UBR4: variants seen among roughly 807,000 people sequenced by gnomAD.
UBR4 encodes the protein E3 ubiquitin-protein ligase UBR4.
In UBR4, 124 loss-of-function variants were observed where a neutral mutation model predicts 575.6. The ratio of observed to expected loss-of-function variants is 0.22; its 90% CI spans 0.19 to 0.25. The LOEUF (loss-of-function observed/expected upper bound fraction) is 0.25, where lower values mean the gene tolerates loss of function less well. UBR4 is among the 10% of genes least tolerant of loss of function. The probability of loss-of-function intolerance (pLI) is 1.00; values close to 1 mark genes in which losing one functional copy is unlikely to be tolerated. For missense variants in UBR4, 4,818 were observed against 6,478.8 expected, an observed-to-expected ratio of 0.74 and a Z score of 8.80; for synonymous variants, 2,455 against 2,473.7, an observed-to-expected ratio of 0.99 and a Z score of 0.22.
At chr1:19,145,328 T>A (rs933015442) in intron 53 of UBR4, among the ~76,000 whole-genome samples, 1 of 152,198 alleles carries the variant, frequency 6.6e-6, no homozygotes, top group Non-Finnish European at 1.5e-5. Context: ...AGCACCAGGA[T>A]CATCCTACTT....
intron 1 of UBR4, among the ~76,000 whole-genome samples, chr1:19,208,879 G>A (rs1187212063): frequency 6.6e-6 from 1 of 152,184 alleles, no homozygotes; most frequent in Non-Finnish European, 1.5e-5. Flanking sequence ...CAATCCAAAT[G>A]TTTAAAACAA....
At chr1:19,179,995 G>C (rs2090715772) in intron 17 of UBR4, among the ~76,000 whole-genome samples, 1 of 152,166 alleles carries the variant, frequency 6.6e-6, no homozygotes, top group Admixed American at 6.5e-5. Context: ...TTCGCAAAAT[G>C]TCGCTGGCCT....
Position 19,087,799 on chromosome 1 carries a change from A to G in UBR4, c.14544+17T>C. Reference sequence around the variant, plus strand: ...AGGCTGGGCCCTCAGGACCGACCGTAGGCCCAGCAGCTGTACCTGGAACTT... The same window carrying G: ...AGGCTGGGCCCTCAGGACCGACCGTGGGCCCAGCAGCTGTACCTGGAACTT... On this transcript the variant is annotated intron_variant, in intron 99 of 105. Coordinates refer to ENST00000375254, the MANE Select transcript of UBR4 (RefSeq NM_020765.3). 1.2e-5 allele frequency: 19 copies of G among 1,598,328 alleles called. No homozygotes were observed. Among genetic ancestry groups the G allele is most frequent in the Non-Finnish European group, 1.6e-5 (19 of 1,169,604 alleles).
chr1:19,127,769 T>A, intron 62 of UBR4, 30 bp from the exon 63 acceptor site: 1 of 1,578,576 alleles, frequency 6.3e-7, no homozygotes, highest in Non-Finnish European at 8.7e-7. Context: ...TCCAGAAACC[T>A]CTACTTACTC....
rs1278463797 is a variant in UBR4 at position 19,117,641 on chromosome 1, C to T, written c.10629+182G>A. 6.6e-6 allele frequency among the ~76,000 whole-genome samples: 1 copy of T among 152,148 alleles called. No individual in the cohort carries two copies. Among genetic ancestry groups the T allele is most frequent in the African/African-American group, 2.4e-5 (1 of 41,428 alleles). On this transcript the variant is annotated intron_variant, in intron 72 of 105. Coordinates refer to ENST00000375254, the MANE Select transcript of UBR4 (RefSeq NM_020765.3). This position sits in a 1 kb window ranked among gnomAD's most constrained non-coding sequence, Gnocchi z 4.0. ...CCTCCCAAAGTACTGGGATTATAGG[C>T]TTGAGCCACTGCACCCAGCCAAGTT...
intron 47 of UBR4, 40 bp from the exon 48 acceptor site, chr1:19,151,899 T>G (rs776182416): frequency 6.6e-7 from 1 of 1,509,690 alleles, no homozygotes; most frequent in Non-Finnish European, 8.9e-7. Context: ...ACTACAGAAG[T>G]TCTTAAGTTT....
intron 81 of UBR4, among the ~76,000 whole-genome samples, 189 bp downstream of exon 81, chr1:19,109,907 T>C (rs1469778109): frequency 2.0e-5 from 3 of 152,258 alleles, no homozygotes; most frequent in Non-Finnish European, 4.4e-5. Flanking sequence ...ATGTTTATTT[T>C]ACTTGAACCA....
chr1:19,164,723 G>GA (rs1403153026), intron 32 of UBR4, 76 bp downstream of exon 32: 2 of 1,548,828 alleles, frequency 1.3e-6, no homozygotes, highest in Non-Finnish European at 1.8e-6. Flanking sequence ...ACTGGTGCCC[G>GA]AAGGAAAGAT....
Position 19,153,806 on chromosome 1 carries a change from G to C in UBR4, c.6592C>G (p.Leu2198Val). Reference sequence around the variant, plus strand: ...GGAAGAGTCTTAATCTCCTGGATAAGAAAAGTGTCTGGTTTCACCATAACT... The same window carrying C: ...GGAAGAGTCTTAATCTCCTGGATAACAAAAGTGTCTGGTTTCACCATAACT... Reference protein sequence around the residue: ...LVVMVKPDTFLIQEIKTLPAK... With the variant: ...LVVMVKPDTFVIQEIKTLPAK... Residue 2198 changes from leucine to valine, a missense_variant, in exon 45 of 106, where the codon CTT (leucine) becomes GTT (valine). This residue lies in a region of UBR4 where 461 missense variants were observed against 606.9 expected (regional missense o/e 0.76). Transcript: ENST00000375254. This position sits in a 1 kb window ranked among gnomAD's most constrained non-coding sequence, Gnocchi z 4.1. The C allele has an allele frequency of 6.2e-7, 1 of 1,614,176 alleles. No individual in the cohort carries two copies. The highest frequency in any genetic ancestry group is 2.2e-5 in the East Asian group (1 of 44,880).
At position 19,170,937 on chromosome 1, in the gene UBR4, AGGAAAAACT is replaced by A. The variant is rs1334749705; in HGVS notation, c.3522-63_3522-55del. 5.6e-6 allele frequency: 9 copies of A among 1,612,876 alleles called. No individual in the cohort carries two copies. In the African/African-American group the frequency reaches 1.2e-4, roughly 22 times the overall value. ...CCATAAGATTCTAATCCCACCAGTT[AGGAAAAACT>A]GGCCCTAGACTGGCTGAAAACCCTA... On this transcript the variant is annotated intron_variant, in intron 25 of 105. Transcript: ENST00000375254.
At chr1:19,104,491 G>A in intron 86 of UBR4, 94 bp downstream of exon 86, 2 of 1,390,346 alleles carry the variant, frequency 1.4e-6, no homozygotes, top group Non-Finnish European at 2.0e-6. Context: ...GTCAGTACCA[G>A]AGAGAAGAGA....
At chr1:19,170,919 A>G in intron 25 of UBR4, 36 bp from the exon 26 acceptor site, 1 of 1,613,780 alleles carries the variant, frequency 6.2e-7, no homozygotes, top group Non-Finnish European at 8.5e-7. Flanking sequence ...AAGCCATAAG[A>G]TTCTAATCCC....
intron 103 of UBR4, chr1:19,079,689 C>T (rs1176954688): frequency 6.6e-6 from 1 of 152,402 alleles, no homozygotes; most frequent in Non-Finnish European, 1.5e-5. Context: ...ACACGCCCTT[C>T]CAGCCGCGGT....
chr1:19,192,155 CA>C, intron 11 of UBR4, 32 bp downstream of exon 11: 1 of 1,587,126 alleles, frequency 6.3e-7, no homozygotes, highest in Non-Finnish European at 8.6e-7. Context: ...CGAAATAAAA[CA>C]AAATATAAGT....
chr1:19,103,848 T>C (rs982588726), intron 87 of UBR4, among the ~76,000 whole-genome samples: 1 of 152,350 alleles, frequency 6.6e-6, no homozygotes. Context: ...AGAGAGCCTT[T>C]GACCTTGCAC....
chr1:19,205,106 GCAA>G (rs1159872762), intron 1 of UBR4, among the ~76,000 whole-genome samples: 6 of 152,208 alleles, frequency 3.9e-5, no homozygotes, highest in African/African-American at 1.2e-4. Context: ...CTAATGAACT[GCAA>G]CAACAGCACC....
Position 19,089,126 on chromosome 1 carries a change from A to T in UBR4, c.14212-149T>A, listed in dbSNP as rs1266122571. 3.9e-6 allele frequency: 3 copies of T among 768,982 alleles called. No individual in the cohort carries two copies. The highest frequency in any genetic ancestry group is 6.2e-6 in the Non-Finnish European group (3 of 480,134). 47.6% of individuals were successfully genotyped at this position (768,982 alleles called of 1,614,324 possible). A position where few individuals can be genotyped will look rare whatever the true frequency, so the allele number is the denominator to read the frequency against. The stretch of plus-strand genomic sequence containing the variant: ...TCAGGTCCTTTGATTCCACACTTTG[A>T]CAGACACAGACAAATGGAAGAGGGT... On this transcript the variant is annotated intron_variant, in intron 97 of 105. Coordinates refer to ENST00000375254, the MANE Select transcript of UBR4 (RefSeq NM_020765.3). The surrounding 1 kb of genome is among the most constrained non-coding windows in gnomAD (Gnocchi z 4.3).
chr1:19,147,961 C>G (rs1468271039), intron 51 of UBR4, 32 bp downstream of exon 51: 4 of 1,604,010 alleles, frequency 2.5e-6, no homozygotes, highest in Non-Finnish European at 2.6e-6. Context: ...CCTGTCAGCA[C>G]TGCAATTTCC....
At chr1:19,077,689 C>T (rs894796247) in intron 104 of UBR4, 49 of 1,194,582 alleles carry the variant, frequency 4.1e-5, no homozygotes, top group African/African-American at 3.1e-4. Flanking sequence ...GCCGAGATCA[C>T]GCCATTGCAC....
Sources: gnomAD v4.1 joint callset for allele counts (sites outside exome capture counted in the v4.1 genomes callset) on GRCh38, gnomAD v4.1.1 for gene constraint, gnomAD v4.1.1 regional missense constraint, Gnocchi (gnomAD v3.1) non-coding constraint, MANE v1.5 for transcripts, NCBI Gene and HGNC (gene_info 2026-07-23, HGNC 2026-07-21) for gene names.